The following PARD3B variants were observed in gnomAD, a reference collection of about 807,000 sequenced individuals.
PARD3B encodes the protein par-3 family cell polarity regulator beta.
A neutral mutation model predicts 130.2 loss-of-function variants in PARD3B; 103 were observed. The observed-to-expected ratio is 0.79, with a 90% CI of 0.67 to 0.93. The LOEUF is 0.93. PARD3B is among the 40% of genes least tolerant of loss of function. The probability of loss-of-function intolerance (pLI) is 0.00; values close to 1 mark genes in which losing one functional copy is unlikely to be tolerated. For synonymous variants in PARD3B, 583 were observed against 553.2 expected (o/e 1.05, Z -0.76); for missense variants, 1,609 against 1,499.2 (o/e 1.07, Z -1.21).
intron 4 of PARD3B, among the ~76,000 whole-genome samples, chr2:205,057,607 G>GTATGTGTATACGTATATATACACATA (rs1553605803): frequency 4.4e-5 from 3 of 68,468 alleles, no homozygotes; most frequent in Non-Finnish European, 5.9e-5. Flanking sequence ...ACATATATGT[G>GTATGTGTATACGTATATATACACATA]TATGTGTATG....
At chr2:204,930,327 T>C (rs1575336522) in intron 2 of PARD3B, among the ~76,000 whole-genome samples, 1 of 152,046 alleles carries the variant, frequency 6.6e-6, no homozygotes, top group Admixed American at 6.6e-5. Context: ...AAATCCCTGA[T>C]ACAAAATGAT....
At position 205,176,384 on chromosome 2, in the gene PARD3B, T is replaced by C; in HGVS notation, c.1792-61T>C. On this transcript the variant is annotated intron_variant, in intron 12 of 22. Coordinates refer to ENST00000406610, the MANE Select transcript of PARD3B (RefSeq NM_001302769.2). The surrounding 1 kb of genome is among the most constrained non-coding windows in gnomAD (Gnocchi z 5.3). ...ACAGCGATCATTCTTTCACTTTGCTTCAACTGACCAAGTTGGAACATATTA... is the reference window on the plus strand; with the variant it reads ...ACAGCGATCATTCTTTCACTTTGCTCCAACTGACCAAGTTGGAACATATTA... 6.8e-7 allele frequency: 1 copy of C among 1,474,252 alleles called. No homozygotes were observed. The highest frequency in any genetic ancestry group is 9.2e-7 in the Non-Finnish European group (1 of 1,090,018). The allele number at this position is 1,474,252 out of a possible 1,614,324, so 91.3% of individuals were successfully genotyped here.
chr2:205,198,014 C>G (rs2036788268), intron 15 of PARD3B, among the ~76,000 whole-genome samples: 1 of 152,170 alleles, frequency 6.6e-6, no homozygotes, highest in African/African-American at 2.4e-5. Flanking sequence ...AATTTCCAGG[C>G]TTGGTGTTTT....
intron 18 of PARD3B, among the ~76,000 whole-genome samples, chr2:205,303,681 T>C (rs1471634961): frequency 6.6e-6 from 1 of 152,046 alleles, no homozygotes; most frequent in Non-Finnish European, 1.5e-5. Flanking sequence ...GCCTCCTCAC[T>C]CCAGAAGCAC....
intron 4 of PARD3B, among the ~76,000 whole-genome samples, chr2:205,048,858 T>A (rs1437714316): frequency 6.6e-6 from 1 of 152,222 alleles, no homozygotes; most frequent in Non-Finnish European, 1.5e-5. Flanking sequence ...TTTAAAACTC[T>A]ATCCTTCTAA....
chr2:205,367,209 A>C (rs2044642475), intron 18 of PARD3B, among the ~76,000 whole-genome samples: 1 of 152,222 alleles, frequency 6.6e-6, no homozygotes, highest in Non-Finnish European at 1.5e-5. Flanking sequence ...TTTAGGACAT[A>C]CAATCTCCAA....
At chr2:204,861,916 A>T (rs900045478) in intron 2 of PARD3B, among the ~76,000 whole-genome samples, 18 of 133,932 alleles carry the variant, frequency 1.3e-4, no homozygotes, top group Non-Finnish European at 2.4e-4. Context: ...TTAAAAGAAG[A>T]CATTTCTCAA....
chr2:205,467,071 A>G (rs2048653621), intron 20 of PARD3B, among the ~76,000 whole-genome samples: 1 of 152,228 alleles, frequency 6.6e-6, no homozygotes, highest in Admixed American at 6.5e-5. Flanking sequence ...AAAGTATATC[A>G]TCTCCATTGA....
At chr2:205,059,912 A>G (rs1287615340) in intron 4 of PARD3B, among the ~76,000 whole-genome samples, 1 of 152,116 alleles carries the variant, frequency 6.6e-6, no homozygotes, top group Non-Finnish European at 1.5e-5. Flanking sequence ...ACACTTAATT[A>G]TTAATATATG....
rs1008203297 is a variant in PARD3B, at chr2:205,558,800, G to A, written c.3260+5397G>A. ...ATACTCCTCCTTCTGCCTCCAAGACGCCTCCAAGTCCCCCTGCCAAAACCC... is the reference window on the plus strand; with the variant it reads ...ATACTCCTCCTTCTGCCTCCAAGACACCTCCAAGTCCCCCTGCCAAAACCC... On this transcript the variant is annotated intron_variant, in intron 22 of 22. Transcript: ENST00000406610. The surrounding 1 kb of genome is among the most constrained non-coding windows in gnomAD (Gnocchi z 4.8). 5.9e-5 allele frequency among the ~76,000 whole-genome samples: 9 copies of A among 151,854 alleles called. No homozygotes were observed. The highest frequency in any genetic ancestry group is 1.7e-4 in the African/African-American group (7 of 41,314).
At chr2:204,860,831 A>T (rs1367176236) in intron 2 of PARD3B, among the ~76,000 whole-genome samples, 1 of 151,586 alleles carries the variant, frequency 6.6e-6, no homozygotes, top group Non-Finnish European at 1.5e-5. Context: ...TTGATAAGTT[A>T]AAAAAAAATC....
At chr2:204,951,690 G>A (rs1689786002) in intron 2 of PARD3B, among the ~76,000 whole-genome samples, 1 of 152,208 alleles carries the variant, frequency 6.6e-6, no homozygotes, top group African/African-American at 2.4e-5. Context: ...TTACATGAGA[G>A]TGGGATTGTC....
chr2:204,809,193 T>C (rs918145639), intron 2 of PARD3B, among the ~76,000 whole-genome samples: 1 of 152,146 alleles, frequency 6.6e-6, no homozygotes, highest in African/African-American at 2.4e-5. Flanking sequence ...GTCATGTGCA[T>C]AGTTTGAAAA....
At chr2:205,016,237 A>G (rs1696138646) in intron 3 of PARD3B, among the ~76,000 whole-genome samples, 1 of 152,158 alleles carries the variant, frequency 6.6e-6, no homozygotes, top group Non-Finnish European at 1.5e-5. Flanking sequence ...ACCTGCTGGG[A>G]ACTGTAATGG....
At chr2:205,435,773 A>C (rs1281794265) in intron 19 of PARD3B, among the ~76,000 whole-genome samples, 2 of 152,024 alleles carry the variant, frequency 1.3e-5, no homozygotes, top group Non-Finnish European at 2.9e-5. Context: ...AGTTTTTTCT[A>C]TATTTTATAT....
intron 2 of PARD3B, among the ~76,000 whole-genome samples, chr2:204,897,618 C>G (rs1352398927): frequency 1.3e-5 from 2 of 151,942 alleles, no homozygotes; most frequent in Non-Finnish European, 2.9e-5. Context: ...GTGTCCCAAC[C>G]AGGATATTGA....
intron 1 of PARD3B, among the ~76,000 whole-genome samples, chr2:204,586,555 A>G (rs1387168395): frequency 1.3e-5 from 2 of 152,184 alleles, no homozygotes; most frequent in South Asian, 2.1e-4. Context: ...ATTGCCAACC[A>G]TGGGTCCCGG....
intron 3 of PARD3B, among the ~76,000 whole-genome samples, chr2:204,987,902 A>G (rs904206217): frequency 2.0e-5 from 3 of 152,162 alleles, no homozygotes; most frequent in Non-Finnish European, 4.4e-5. Flanking sequence ...CCAGCTGACA[A>G]GCAGAATCCA....
At chr2:204,693,703 C>G (rs1195247145) in intron 2 of PARD3B, among the ~76,000 whole-genome samples, 1 of 152,048 alleles carries the variant, frequency 6.6e-6, no homozygotes, top group African/African-American at 2.4e-5. Flanking sequence ...TCCAAACTTT[C>G]TCTAAACCCA....
Sources: gnomAD v4.1 joint callset for allele counts (sites outside exome capture counted in the v4.1 genomes callset) on GRCh38, gnomAD v4.1.1 for gene constraint, Gnocchi (gnomAD v3.1) non-coding constraint, MANE v1.5 for transcripts, NCBI Gene and HGNC (gene_info 2026-07-23, HGNC 2026-07-21) for gene names.